Variants in DCC observed in about 807,000 individuals in gnomAD.
The protein encoded by DCC is netrin receptor DCC.
A neutral mutation model predicts 172.5 loss-of-function variants in DCC; 58 were observed. That is an observed-to-expected ratio of 0.34 (90% CI 0.27 to 0.42). DCC has a LOEUF of 0.42. Among genes scored for constraint, DCC ranks in the 10% least tolerant of loss-of-function variants. DCC has a pLI of 1.00. For synonymous variants in DCC, 709 were observed against 644.5 expected, an observed-to-expected ratio of 1.10 and a Z score of -1.52; for missense variants, 1,740 against 1,791.0, an observed-to-expected ratio of 0.97 and a Z score of 0.51.
intron 1 of DCC, among the ~76,000 whole-genome samples, chr18:52,461,456 A>G (rs1388467128): frequency 1.3e-5 from 2 of 152,238 alleles, no homozygotes; most frequent in Non-Finnish European, 2.9e-5. Context: ...ATGAACCAGT[A>G]ATGCAGTCGT....
intron 1 of DCC, among the ~76,000 whole-genome samples, chr18:52,401,474 C>G (rs1010299629): frequency 6.6e-6 from 1 of 152,006 alleles, no homozygotes; most frequent in Non-Finnish European, 1.5e-5. Flanking sequence ...AGCAAGTCAA[C>G]TGGCAATGCA....
chr18:53,086,317 CTT>C lies in DCC; in HGVS notation c.1261+20152_1261+20153del, dbSNP rs1483307009. Among the ~76,000 whole-genome samples the C allele has an allele frequency of 3.6e-4, 13 of 35,780 alleles. 3 individuals are homozygous for C. Among genetic ancestry groups the C allele is most frequent in the Non-Finnish European group, 5.7e-4 (12 of 21,024 alleles). The allele number at this position is 35,780 out of a possible 152,430, so 23.5% of individuals were successfully genotyped here. ...TTCTTCCTTTCTTCTTCTTCTTCTT[CTT>C]CTTCCTTTCTTCTTCTTCTTCTTCT... On this transcript the variant is annotated intron_variant, in intron 7 of 28. Transcript: ENST00000442544.
Position 52,924,161 on chromosome 18 carries a change from A to T in DCC, c.848+304A>T, listed in dbSNP as rs528629846. Among the ~76,000 whole-genome samples, 13 of 152,212 alleles carry T rather than the reference A, an allele frequency of 8.5e-5. No homozygotes were observed. In the South Asian group the frequency reaches 2.7e-3, roughly 32 times the overall value. On this transcript the variant is annotated intron_variant, in intron 4 of 28. Coordinates refer to ENST00000442544, the MANE Select transcript of DCC (RefSeq NM_005215.4). ...CAGAGAAATTTTGGTGGATTCCATT[A>T]TAAGAAAGTGGTATATAGAGAGGTT... is the stretch of plus-strand genomic sequence containing the variant.
At chr18:53,236,552 C>T (rs1048961657) in intron 12 of DCC, among the ~76,000 whole-genome samples, 2 of 151,938 alleles carry the variant, frequency 1.3e-5, no homozygotes, top group South Asian at 2.1e-4. Context: ...TACAAATTGG[C>T]GGCTTACCTT....
At chr18:52,635,200 GTT>G (rs2034750929) in intron 1 of DCC, among the ~76,000 whole-genome samples, 1 of 152,048 alleles carries the variant, frequency 6.6e-6, no homozygotes, top group Admixed American at 6.5e-5. Flanking sequence ...CTTTTCACAG[GTT>G]TTGATTCAGA....
chr18:52,722,773 C>T (rs901084410), intron 1 of DCC, among the ~76,000 whole-genome samples: 80 of 152,246 alleles, frequency 5.3e-4, no homozygotes, highest in Non-Finnish European at 9.6e-4. Flanking sequence ...CTCCTTTCAC[C>T]ACCATTTTGA....
chr18:53,406,724 A>C (rs925680594), intron 19 of DCC, among the ~76,000 whole-genome samples: 8 of 115,144 alleles, frequency 6.9e-5, no homozygotes, highest in Non-Finnish European at 1.7e-4. Context: ...AAAGAAAGAA[A>C]GAAAAAAGAA....
At chr18:53,361,054 C>T (rs910678905) in intron 15 of DCC, among the ~76,000 whole-genome samples, 1 of 151,764 alleles carries the variant, frequency 6.6e-6, no homozygotes, top group Non-Finnish European at 1.5e-5. Flanking sequence ...TCAGGTGGGC[C>T]CTAAATCCCA....
chr18:52,985,301 T>C (rs1315022831), intron 5 of DCC, among the ~76,000 whole-genome samples: 15 of 152,164 alleles, frequency 9.9e-5, no homozygotes, highest in Admixed American at 9.8e-4. Context: ...TGAGTCCTTG[T>C]AAATATCAAG....
intron 9 of DCC, among the ~76,000 whole-genome samples, chr18:53,190,693 T>A (rs1361118127): frequency 3.3e-5 from 5 of 152,186 alleles, no homozygotes; most frequent in African/African-American, 1.2e-4. Flanking sequence ...ACGCCTGTAA[T>A]CCCAGCACTT....
intron 10 of DCC, among the ~76,000 whole-genome samples, chr18:53,207,294 G>A (rs1598906760): frequency 6.6e-6 from 1 of 152,284 alleles, no homozygotes; most frequent in East Asian, 1.9e-4. Flanking sequence ...AGCAAGAGAA[G>A]CACAAAATCT....
At chr18:52,664,673 G>A (rs188010885) in intron 1 of DCC, among the ~76,000 whole-genome samples, 5 of 151,482 alleles carry the variant, frequency 3.3e-5, no homozygotes, top group Admixed American at 6.6e-5. Flanking sequence ...GGGTTTCACC[G>A]TGTTAGCCAG....
chr18:53,381,555 C>A, intron 15 of DCC, among the ~76,000 whole-genome samples: 1 of 55,442 alleles, frequency 1.8e-5, no homozygotes, highest in Non-Finnish European at 3.9e-5. Flanking sequence ...TTATATTTAC[C>A]CCCCACCCCC....
intron 2 of DCC, among the ~76,000 whole-genome samples, chr18:52,765,200 A>ACTTTTTTT (rs2037226409): frequency 7.2e-6 from 1 of 138,142 alleles, no homozygotes; most frequent in Non-Finnish European, 1.5e-5. Flanking sequence ...CTCCTGGCTA[A>ACTTTTTTT]TTTTTTTTTT....
At chr18:53,013,284 C>T (rs961592785) in intron 5 of DCC, among the ~76,000 whole-genome samples, 2 of 152,160 alleles carry the variant, frequency 1.3e-5, no homozygotes, top group Admixed American at 1.3e-4. Flanking sequence ...ATAGTAAAGA[C>T]TTGGAACCAA....
At chr18:52,977,665 C>T (rs2041141092) in intron 5 of DCC, among the ~76,000 whole-genome samples, 1 of 151,954 alleles carries the variant, frequency 6.6e-6, no homozygotes, top group African/African-American at 2.4e-5. Context: ...GCGGGTGGAT[C>T]ATGAGGTCAG....
intron 25 of DCC, among the ~76,000 whole-genome samples, chr18:53,483,136 A>G (rs978733692): frequency 6.6e-6 from 1 of 151,978 alleles, no homozygotes; most frequent in Non-Finnish European, 1.5e-5. Flanking sequence ...TAAGGAATTT[A>G]TAACATTTTG....
At position 52,765,247 on chromosome 18, in the gene DCC, G is replaced by A. The variant is rs200966056; in HGVS notation, c.412+12873G>A. On this transcript the variant is annotated intron_variant, in intron 2 of 28. Coordinates refer to ENST00000442544, the MANE Select transcript of DCC (RefSeq NM_005215.4). Reference sequence around the variant, plus strand: ...TTTTTAGTAGAGATGGGGTCACCATGTTGGCCAGGCTGGTTTTGAACTCCT... The same window carrying A: ...TTTTTAGTAGAGATGGGGTCACCATATTGGCCAGGCTGGTTTTGAACTCCT... 2.3e-5 allele frequency among the ~76,000 whole-genome samples: 3 copies of A among 131,880 alleles called. No individual in the cohort carries two copies. In the East Asian group the frequency reaches 7.0e-4, roughly 31 times the overall value. 86.5% of individuals were successfully genotyped at this position (131,880 alleles called of 152,430 possible). A position where few individuals can be genotyped will look rare whatever the true frequency, so the allele number is the denominator to read the frequency against.
Position 53,252,273 on chromosome 18 carries a change from G to T in DCC, c.1911+36676G>T, listed in dbSNP as rs188410157. Among the ~76,000 whole-genome samples, 226 of 151,826 alleles carry T rather than the reference G, an allele frequency of 1.5e-3. 1 individual carries two copies. Among genetic ancestry groups the T allele is most frequent in the African/African-American group, 5.3e-3 (220 of 41,452 alleles). On this transcript the variant is annotated intron_variant, in intron 12 of 28. Transcript: ENST00000442544. ...CATTTACATACTGCATAGGATTTTA[G>T]ACGATCTACAATACAGAGACAGAAT...
Sources: allele counts gnomAD v4.1 joint callset (sites outside exome capture counted in the v4.1 genomes callset), GRCh38; gene constraint gnomAD v4.1.1; transcripts MANE v1.5; gene names NCBI Gene and HGNC (gene_info 2026-07-23, HGNC 2026-07-21).